CAMK2D: variants seen among roughly 807,000 people sequenced by gnomAD.
CAMK2D encodes calcium/calmodulin dependent protein kinase II delta.
Under a neutral mutation model 84.0 loss-of-function variants are expected in CAMK2D, and 37 were observed. The ratio of observed to expected loss-of-function variants is 0.44; its 90% CI spans 0.34 to 0.58. CAMK2D has a LOEUF of 0.58. Ranked by LOEUF, CAMK2D falls within the 20% of genes least tolerant of loss-of-function variation. The probability of loss-of-function intolerance (pLI) is 0.02; values close to 1 mark genes in which losing one functional copy is unlikely to be tolerated. For missense variants in CAMK2D, 448 were observed against 652.5 expected, an observed-to-expected ratio of 0.69 and a Z score of 3.41; for synonymous variants, 202 against 212.5, an observed-to-expected ratio of 0.95 and a Z score of 0.43.
At chr4:113,749,978 G>T (rs541070480) in intron 2 of CAMK2D, among the ~76,000 whole-genome samples, 1 of 152,194 alleles carries the variant, frequency 6.6e-6, no homozygotes, top group South Asian at 2.1e-4. Flanking sequence ...AATCTTATTT[G>T]GTCATGCAAT....
intron 2 of CAMK2D, among the ~76,000 whole-genome samples, chr4:113,741,293 A>T (rs1366420573): frequency 6.6e-6 from 1 of 152,174 alleles, no homozygotes; most frequent in Non-Finnish European, 1.5e-5. Context: ...GGTAAGAATA[A>T]ATCTTCTATC....
At chr4:113,630,403 G>T (rs2099084783) in intron 3 of CAMK2D, among the ~76,000 whole-genome samples, 1 of 152,116 alleles carries the variant, frequency 6.6e-6, no homozygotes, top group Non-Finnish European at 1.5e-5. Context: ...TTCAGTCAGG[G>T]TTCTTAGGAT....
At chr4:113,680,654 T>G (rs940617945) in intron 2 of CAMK2D, among the ~76,000 whole-genome samples, 5 of 152,194 alleles carry the variant, frequency 3.3e-5, no homozygotes, top group African/African-American at 1.2e-4. Flanking sequence ...GGCTATGGAC[T>G]GCTGCTTTGA....
chr4:113,738,363 C>A (rs1045388589), intron 2 of CAMK2D, among the ~76,000 whole-genome samples: 18 of 152,086 alleles, frequency 1.2e-4, no homozygotes, highest in African/African-American at 4.1e-4. Context: ...TCCAATCCAT[C>A]CTCCACAAAT....
chr4:113,564,770 A>G (rs2098714546), intron 4 of CAMK2D, among the ~76,000 whole-genome samples: 1 of 152,186 alleles, frequency 6.6e-6, no homozygotes, highest in Non-Finnish European at 1.5e-5. Flanking sequence ...CTTTAAAAGG[A>G]GGATTTAAAA....
Position 113,761,545 on chromosome 4 carries a change from G to C in CAMK2D, c.-477C>G. The C allele has an allele frequency of 1.0e-6, 1 of 998,926 alleles. No homozygotes were observed. Among genetic ancestry groups the C allele is most frequent in the Non-Finnish European group, 1.2e-6 (1 of 838,202 alleles). 61.9% of individuals were successfully genotyped at this position (998,926 alleles called of 1,614,324 possible). A position where few individuals can be genotyped will look rare whatever the true frequency, so the allele number is the denominator to read the frequency against. On this transcript the variant is annotated 5_prime_UTR_variant, in exon 1 of 21. Coordinates refer to ENST00000511664, the MANE Select transcript of CAMK2D (RefSeq NM_001321571.2). ...AGCGGGGCCGAGGCCGCGGAGCCCA[G>C]AGCGGACAGCCTGAGCCCAGCGGCC... is the stretch of plus-strand genomic sequence containing the variant.
intron 18 of CAMK2D, among the ~76,000 whole-genome samples, chr4:113,458,641 T>C (rs1339098573): frequency 2.0e-5 from 3 of 152,196 alleles, no homozygotes; most frequent in Middle Eastern, 3.2e-3. Context: ...GGGAATATGA[T>C]AACATTTACT....
At chr4:113,738,641 A>G (rs1393659128) in intron 2 of CAMK2D, among the ~76,000 whole-genome samples, 1 of 152,106 alleles carries the variant, frequency 6.6e-6, no homozygotes, top group African/African-American at 2.4e-5. Context: ...TCCTGTCTAT[A>G]TATGTATATA....
chr4:113,679,216 T>TA (rs1387485567), intron 2 of CAMK2D, among the ~76,000 whole-genome samples: 1 of 152,202 alleles, frequency 6.6e-6, no homozygotes, highest in Non-Finnish European at 1.5e-5. Context: ...GAAAGGTTGT[T>TA]AATGCTAAAG....
At chr4:113,735,288 GGAAAAAAAAAA>G (rs60862237) in intron 2 of CAMK2D, among the ~76,000 whole-genome samples, 659 of 58,996 alleles carry the variant, frequency 0.011, 25 homozygotes, top group African/African-American at 0.036. Context: ...CATCTCTACA[GGAAAAAAAAAA>G]AAAAAAAAAA....
rs192437236 is a variant in CAMK2D at position 113,589,773 on chromosome 4, T to C, written c.275+19379A>G. On this transcript the variant is annotated intron_variant, in intron 4 of 20. Coordinates refer to ENST00000511664, the MANE Select transcript of CAMK2D (RefSeq NM_001321571.2). ...AGAGGTCTGAGTAGCAGTTGTAAAT[T>C]TGGATATCATTAGCTTATAGATGGA... Among the ~76,000 whole-genome samples, 5 of 152,182 alleles carry C rather than the reference T, an allele frequency of 3.3e-5. No homozygotes were observed. The South Asian group carries it at 6.2e-4, about 19-fold the overall frequency.
rs145616944 is a variant in CAMK2D at position 113,580,229 on chromosome 4, A to T, written c.276-28133T>A. 1.2e-3 allele frequency among the ~76,000 whole-genome samples: 182 copies of T among 152,338 alleles called. 2 individuals are homozygous for T. Among genetic ancestry groups the T allele is most frequent in the African/African-American group, 4.2e-3 (176 of 41,580 alleles). On this transcript the variant is annotated intron_variant, in intron 4 of 20. Transcript: ENST00000511664. ...ATGACATGTTTGATGTGCATGAATA[A>T]CTTAACACTCCTCAGTTGGTTCATT...
intron 16 of CAMK2D, among the ~76,000 whole-genome samples, chr4:113,470,806 T>A (rs1320290998): frequency 6.6e-6 from 1 of 152,194 alleles, no homozygotes; most frequent in African/African-American, 2.4e-5. Context: ...TCTATTACTC[T>A]AGAAGGGTGG....
chr4:113,629,690 T>C (rs556119968), intron 3 of CAMK2D, among the ~76,000 whole-genome samples: 3 of 151,820 alleles, frequency 2.0e-5, no homozygotes, highest in African/African-American at 7.2e-5. Context: ...TAGTAGTGAA[T>C]TGACTTAGCA....
chr4:113,521,974 C>T (rs2098365957), intron 8 of CAMK2D, among the ~76,000 whole-genome samples: 1 of 152,114 alleles, frequency 6.6e-6, no homozygotes, highest in Non-Finnish European at 1.5e-5. Flanking sequence ...GTTCCATATA[C>T]AGGTAGATAT....
chr4:113,754,927 G>A (rs1308168228), intron 2 of CAMK2D: 1 of 984,008 alleles, frequency 1.0e-6, no homozygotes, highest in Non-Finnish European at 1.2e-6. Context: ...TTAAAATGTT[G>A]TTCTTGCCAA....
chr4:113,531,203 T>C lies in CAMK2D; in HGVS notation c.601+13A>G. 1 of 1,452,152 alleles carries C rather than the reference T, an allele frequency of 6.9e-7. No homozygotes were observed. The highest frequency in any genetic ancestry group is 9.7e-7 in the Non-Finnish European group (1 of 1,032,352). The allele number at this position is 1,452,152 out of a possible 1,614,324, so 90.0% of individuals were successfully genotyped here. A position where few individuals can be genotyped will look rare whatever the true frequency, so the allele number is the denominator to read the frequency against. On this transcript the variant is annotated intron_variant, in intron 8 of 20. Coordinates refer to ENST00000511664, the MANE Select transcript of CAMK2D (RefSeq NM_001321571.2). Reference sequence around the variant, plus strand: ...GCTTATCACAAAATTTGCTTCAAAATATAATTGCTTACCACATGCCCACAT... The same window carrying C: ...GCTTATCACAAAATTTGCTTCAAAACATAATTGCTTACCACATGCCCACAT...
At chr4:113,690,451 C>T (rs1199751294) in intron 2 of CAMK2D, among the ~76,000 whole-genome samples, 3 of 152,038 alleles carry the variant, frequency 2.0e-5, no homozygotes, top group South Asian at 2.1e-4. Context: ...CACAAAGGTC[C>T]CCCTGAGCAG....
intron 6 of CAMK2D, among the ~76,000 whole-genome samples, chr4:113,546,446 A>G (rs2098573215): frequency 6.6e-6 from 1 of 152,214 alleles, no homozygotes; most frequent in Non-Finnish European, 1.5e-5. Context: ...TTGATATTTA[A>G]AACTCTCAGA....
Sources: gnomAD v4.1 joint callset for allele counts (sites outside exome capture counted in the v4.1 genomes callset) on GRCh38, gnomAD v4.1.1 for gene constraint, MANE v1.5 for transcripts, NCBI Gene and HGNC (gene_info 2026-07-23, HGNC 2026-07-21) for gene names.